Variants in CACNA1E observed in about 807,000 individuals in gnomAD.
CACNA1E encodes calcium voltage-gated channel subunit alpha1 E.
CACNA1E carries 40 observed loss-of-function variants against 259.2 expected under a neutral mutation model. The observed-to-expected ratio is 0.15, with a 90% CI of 0.12 to 0.20. The LOEUF is 0.20. Among genes scored for constraint, CACNA1E ranks in the 10% least tolerant of loss-of-function variants. The pLI, the probability that CACNA1E is intolerant of heterozygous loss-of-function variation, is 1.00. For missense variants in CACNA1E, 1,874 were observed against 3,040.1 expected, an observed-to-expected ratio of 0.62 and a Z score of 9.02; for synonymous variants, 1,104 against 1,138.5, an observed-to-expected ratio of 0.97 and a Z score of 0.61.
rs1287384184 is a variant in CACNA1E at position 181,803,701 on chromosome 1, C to T, written c.*4867C>T. On this transcript the variant is annotated 3_prime_UTR_variant, in exon 48 of 48. Coordinates refer to ENST00000367573, the MANE Select transcript of CACNA1E (RefSeq NM_001205293.3). ...CAAAGGACAAACAGAACTATCTTTG[C>T]TTTCCGGAGGCCATCTTTTTCTTTC... is the stretch of plus-strand genomic sequence containing the variant. The T allele has an allele frequency of 6.6e-6, 1 of 152,242 alleles. No homozygotes were observed. Among genetic ancestry groups the T allele is most frequent in the African/African-American group, 2.4e-5 (1 of 41,432 alleles). The allele number at this position is 152,242 out of a possible 1,614,324, so 9.4% of individuals were successfully genotyped here.
chr1:181,642,198 C>T (rs746051077), intron 6 of CACNA1E, among the ~76,000 whole-genome samples: 4 of 152,032 alleles, frequency 2.6e-5, no homozygotes, highest in Non-Finnish European at 5.9e-5. Flanking sequence ...GCTTTTGAAC[C>T]TTGGTTCTTC....
intron 3 of CACNA1E, among the ~76,000 whole-genome samples, chr1:181,532,685 CA>C (rs1483487687): frequency 3.3e-5 from 5 of 152,254 alleles, no homozygotes; most frequent in African/African-American, 4.8e-5. Context: ...TCACTCTCCC[CA>C]AGCTGAATAG....
chr1:181,525,329 A>G (rs531161020), intron 3 of CACNA1E, among the ~76,000 whole-genome samples: 1 of 152,368 alleles, frequency 6.6e-6, no homozygotes, highest in African/African-American at 2.4e-5. Context: ...CTTTGCCCTA[A>G]TGCAGCAGCT....
intron 2 of CACNA1E, among the ~76,000 whole-genome samples, chr1:181,470,061 G>A (rs778112742): frequency 3.3e-5 from 5 of 151,786 alleles, no homozygotes; most frequent in African/African-American, 1.2e-4. Flanking sequence ...GAGTGAGAGA[G>A]AGAGAGTGAG....
rs746421637 is a variant in CACNA1E at position 181,539,369 on chromosome 1, A to G, written c.512+27859A>G. ...GCAAATATTACCAAATGAACAGATA[A>G]TGACTGAACAAGCTAATTAATGAAT... is the stretch of plus-strand genomic sequence containing the variant. On this transcript the variant is annotated intron_variant, in intron 3 of 47. Coordinates refer to ENST00000367573, the MANE Select transcript of CACNA1E (RefSeq NM_001205293.3). 2.3e-4 allele frequency among the ~76,000 whole-genome samples: 35 copies of G among 152,202 alleles called. 1 individual carries two copies. Among genetic ancestry groups the G allele is most frequent in the Non-Finnish European group, 3.4e-4 (23 of 68,038 alleles).
At chr1:181,728,376 T>A (rs781582842) in intron 18 of CACNA1E, among the ~76,000 whole-genome samples, 1 of 152,026 alleles carries the variant, frequency 6.6e-6, no homozygotes, top group Admixed American at 6.5e-5. Flanking sequence ...TTGAGCAGAG[T>A]GTGCATCAGG....
Position 181,483,703 on chromosome 1 carries a change from C to T in CACNA1E, c.-42C>T. 1 of 1,499,926 alleles carries T rather than the reference C, an allele frequency of 6.7e-7. No individual in the cohort carries two copies. The highest frequency in any genetic ancestry group is 9.0e-7 in the Non-Finnish European group (1 of 1,112,526). The allele number at this position is 1,499,926 out of a possible 1,614,324, so 92.9% of individuals were successfully genotyped here. Reference sequence around the variant, plus strand: ...TTGTTGCTGTGTGCGGGTGTTCGGCCGCGATCACCTTTGTGTGTCTTCTGT... The same window carrying T: ...TTGTTGCTGTGTGCGGGTGTTCGGCTGCGATCACCTTTGTGTGTCTTCTGT... On this transcript the variant is annotated 5_prime_UTR_variant, in exon 1 of 48. Coordinates refer to ENST00000367573, the MANE Select transcript of CACNA1E (RefSeq NM_001205293.3).
At chr1:181,442,127 G>A (rs1660517317) in intron 2 of CACNA1E, among the ~76,000 whole-genome samples, 1 of 152,198 alleles carries the variant, frequency 6.6e-6, no homozygotes, top group Non-Finnish European at 1.5e-5. Flanking sequence ...ATGGGGAGAG[G>A]AGGATTGGGT....
intron 1 of CACNA1E, among the ~76,000 whole-genome samples, chr1:181,399,333 CAGG>C (rs1656920022): frequency 6.6e-6 from 1 of 151,474 alleles, no homozygotes; most frequent in Non-Finnish European, 1.5e-5. Context: ...GCTATTCTGA[CAGG>C]AGATACATTG....
At chr1:181,349,919 C>A (rs567267771) in intron 1 of CACNA1E, among the ~76,000 whole-genome samples, 1 of 152,314 alleles carries the variant, frequency 6.6e-6, no homozygotes, top group East Asian at 1.9e-4. Context: ...CACTCAGTAT[C>A]CTGGCGTGTA....
chr1:181,616,638 G>A (rs975009952), intron 6 of CACNA1E, among the ~76,000 whole-genome samples: 6 of 151,934 alleles, frequency 3.9e-5, no homozygotes, highest in Admixed American at 2.0e-4. Context: ...TGCCTGAACT[G>A]GGGAGGCAGA....
At chr1:181,398,802 C>A (rs1656878530) in intron 1 of CACNA1E, among the ~76,000 whole-genome samples, 1 of 152,216 alleles carries the variant, frequency 6.6e-6, no homozygotes, top group South Asian at 2.1e-4. Flanking sequence ...GTCATAGTTT[C>A]CACTGGCTTT....
intron 7 of CACNA1E, among the ~76,000 whole-genome samples, chr1:181,677,921 G>A (rs180767437): frequency 6.6e-6 from 1 of 152,238 alleles, no homozygotes; most frequent in Non-Finnish European, 1.5e-5. Context: ...GAGAGTGGTG[G>A]GAACATCATT....
chr1:181,449,332 A>G (rs1298821124), intron 2 of CACNA1E, among the ~76,000 whole-genome samples: 1 of 152,238 alleles, frequency 6.6e-6, no homozygotes, highest in Non-Finnish European at 1.5e-5. Context: ...CTTCAGTCTC[A>G]TATACACATA....
At chr1:181,607,345 G>A (rs1654330638) in intron 6 of CACNA1E, among the ~76,000 whole-genome samples, 1 of 152,182 alleles carries the variant, frequency 6.6e-6, no homozygotes, top group South Asian at 2.1e-4. Context: ...AATAAAGATT[G>A]TTGCTTTTTG....
At chr1:181,784,635 T>C (rs1402156655) in intron 40 of CACNA1E, 26 bp from the exon 41 acceptor site, 2 of 1,466,224 alleles carry the variant, frequency 1.4e-6, no homozygotes, top group African/African-American at 1.4e-5. Context: ...GTCTATTCTA[T>C]TTATTAGTAA....
chr1:181,375,764 A>G (rs1655061691), intron 1 of CACNA1E, among the ~76,000 whole-genome samples: 1 of 151,684 alleles, frequency 6.6e-6, no homozygotes, highest in Non-Finnish European at 1.5e-5. Context: ...ATTTACTTCT[A>G]CTCATCCTTC....
intron 7 of CACNA1E, among the ~76,000 whole-genome samples, chr1:181,692,926 C>T (rs1433603184): frequency 6.6e-6 from 1 of 151,734 alleles, no homozygotes; most frequent in African/African-American, 2.4e-5. Context: ...TCCAGAATCT[C>T]TAGGAACATA....
At chr1:181,685,424 A>G (rs79213995) in intron 7 of CACNA1E, among the ~76,000 whole-genome samples, 125 of 152,290 alleles carry the variant, frequency 8.2e-4, no homozygotes, top group African/African-American at 2.7e-3. Flanking sequence ...AGTGTGGTCT[A>G]TCTTCTGCCA....
Sources: gnomAD v4.1 joint callset for allele counts (sites outside exome capture counted in the v4.1 genomes callset) on GRCh38, gnomAD v4.1.1 for gene constraint, MANE v1.5 for transcripts, NCBI Gene and HGNC (gene_info 2026-07-23, HGNC 2026-07-21) for gene names.